The following ZNF883 variants were observed in gnomAD, a reference collection of about 807,000 sequenced individuals.
ZNF883 encodes zinc finger protein 883.
exon 1 of ZNF883, chr9:112,998,048 C>T (rs778907883): frequency 4.3e-6 from 7 of 1,613,918 alleles, no homozygotes; most frequent in Non-Finnish European, 5.9e-6. Flanking sequence ...ACATTCATTA[C>T]ATTCATAAGG....
chr9:113,004,454 T>C (rs989550735), intron 2 of ZNF883, among the ~76,000 whole-genome samples: 5 of 152,078 alleles, frequency 3.3e-5, no homozygotes, highest in African/African-American at 9.7e-5. Flanking sequence ...CCTGAGGTAA[T>C]AGTATTAGGT....
chr9:113,005,738 T>A (rs1351789188), intron 2 of ZNF883, among the ~76,000 whole-genome samples: 1 of 152,156 alleles, frequency 6.6e-6, no homozygotes, highest in East Asian at 1.9e-4. Context: ...TGTACGTCAA[T>A]ATTCTACTTC....
upstream of ZNF883, among the ~76,000 whole-genome samples, chr9:113,002,874 C>T (rs1216388653): frequency 6.6e-6 from 1 of 152,118 alleles, no homozygotes; most frequent in Non-Finnish European, 1.5e-5. Flanking sequence ...TGGGTTTGTT[C>T]CCTTCCATGT....
chr9:112,997,624 A>G (rs1468581086), exon 1 of ZNF883: 3 of 1,613,876 alleles, frequency 1.9e-6, no homozygotes, highest in Non-Finnish European at 2.5e-6. Context: ...TCCCACATTC[A>G]TTACATTCAT....
downstream of ZNF883, among the ~76,000 whole-genome samples, chr9:112,996,780 G>A: frequency 1.0e-5 from 1 of 99,900 alleles, no homozygotes; most frequent in East Asian, 2.8e-4. Flanking sequence ...GACAGAGCGA[G>A]ACTCCGTCTC....
At chr9:113,004,904 C>T (rs992183799) in intron 2 of ZNF883, among the ~76,000 whole-genome samples, 8 of 151,430 alleles carry the variant, frequency 5.3e-5, no homozygotes, top group African/African-American at 1.2e-4. Flanking sequence ...GAAATAGGCC[C>T]TTTATTTTGT....
At chr9:112,996,790 C>CAAA (rs61714600), downstream of ZNF883, among the ~76,000 whole-genome samples, 185 of 52,102 alleles carry the variant, frequency 3.6e-3, 11 homozygotes, top group African/African-American at 6.3e-3. Flanking sequence ...GACTCCGTCT[C>CAAA]AAAAAAAAAA....
chr9:113,000,281 C>T (rs964434200), upstream of ZNF883, among the ~76,000 whole-genome samples: 1 of 151,972 alleles, frequency 6.6e-6, no homozygotes, highest in Admixed American at 6.6e-5. Flanking sequence ...AAACCAGAGG[C>T]AAAAAACCAG....
At chr9:113,004,973 TAATA>T (rs1048140196) in intron 2 of ZNF883, among the ~76,000 whole-genome samples, 5 of 152,024 alleles carry the variant, frequency 3.3e-5, no homozygotes, top group East Asian at 1.9e-4. Flanking sequence ...GATAAAAATT[TAATA>T]AATAATCTTA....
chr9:112,996,894 AAAAC>A (rs959684556), downstream of ZNF883, among the ~76,000 whole-genome samples: 35 of 152,228 alleles, frequency 2.3e-4, no homozygotes, highest in African/African-American at 7.5e-4. Flanking sequence ...ATGTCTTTAA[AAAAC>A]AAACCTCAGT....
intron 1 of ZNF883, among the ~76,000 whole-genome samples, chr9:112,990,679 G>A (rs1042526341): frequency 6.6e-6 from 1 of 152,180 alleles, no homozygotes; most frequent in Non-Finnish European, 1.5e-5. Context: ...AATAGATCCA[G>A]AAGAAATGGT....
chr9:112,994,331 T>C (rs910035626), downstream of ZNF883, among the ~76,000 whole-genome samples: 2 of 151,946 alleles, frequency 1.3e-5, no homozygotes, highest in Non-Finnish European at 2.9e-5. Context: ...TCTCCATGCT[T>C]TTCCTCACTC....
At chr9:113,010,171 A>G (rs1828518355) in intron 2 of ZNF883, among the ~76,000 whole-genome samples, 1 of 152,200 alleles carries the variant, frequency 6.6e-6, no homozygotes, top group South Asian at 2.1e-4. Flanking sequence ...ATGAATATTT[A>G]TTCAGTGAGT....
At chr9:112,998,374 C>T (rs1828387491), upstream of ZNF883, 4 of 781,352 alleles carry the variant, frequency 5.1e-6, no homozygotes, top group Non-Finnish European at 7.4e-6. Context: ...CAAATGCATC[C>T]TTTCTTATAT....
downstream of ZNF883, among the ~76,000 whole-genome samples, chr9:112,995,397 GCTT>G (rs1241159842): frequency 1.3e-5 from 2 of 151,906 alleles, no homozygotes; most frequent in Admixed American, 6.6e-5. Flanking sequence ...CAGATCTTGG[GCTT>G]CTTATCATCC....
At chr9:112,997,359 G>A in exon 1 of ZNF883, 1 of 1,614,000 alleles carries the variant, frequency 6.2e-7, no homozygotes, top group Non-Finnish European at 8.5e-7. Context: ...TAGCAAAACA[G>A]TTTCTGACAT....
chr9:112,997,177 AC>A (rs1481264461), exon 1 of ZNF883: 2 of 1,613,212 alleles, frequency 1.2e-6, no homozygotes, highest in East Asian at 2.2e-5. Flanking sequence ...TTAAGGATGT[AC>A]TATGACAAAA....
intron 2 of ZNF883, among the ~76,000 whole-genome samples, chr9:113,006,898 T>TAAA (rs202002384): frequency 8.3e-4 from 125 of 151,092 alleles, no homozygotes; most frequent in East Asian, 6.8e-3. Context: ...GGTAATTTTT[T>TAAA]AAAAAAAAAA....
upstream of ZNF883, chr9:112,998,266 T>C (rs1337400148): frequency 6.5e-7 from 1 of 1,548,832 alleles, no homozygotes; most frequent in Admixed American, 2.0e-5. Flanking sequence ...CCATCAGTAC[T>C]GAACTATGGC....
Sources: gnomAD v4.1 joint callset for allele counts (sites outside exome capture counted in the v4.1 genomes callset) on GRCh38, gnomAD v4.1.1 for gene constraint, MANE v1.5 for transcripts, NCBI Gene and HGNC (gene_info 2026-07-23, HGNC 2026-07-21) for gene names.